PKD1: variants seen among roughly 807,000 people sequenced by gnomAD.
PKD1 encodes the protein polycystin 1, transient receptor potential channel interacting.
A neutral mutation model predicts 361.7 loss-of-function variants in PKD1; 81 were observed. That is an observed-to-expected ratio of 0.22 (90% CI 0.19 to 0.27). The LOEUF is 0.27. Ranked by LOEUF, PKD1 falls within the 10% of genes least tolerant of loss-of-function variation. The probability of loss-of-function intolerance (pLI) is 1.00; values close to 1 mark genes in which losing one functional copy is unlikely to be tolerated. For missense variants in PKD1, 6,399 were observed against 6,118.3 expected (o/e 1.05, Z -1.53); for synonymous variants, 3,615 against 2,818.3 (o/e 1.28, Z -8.95).
Position 2,106,236 on chromosome 16 carries a change from C to T in PKD1, c.7558G>A (p.Gly2520Ser). Residue 2520 changes from glycine (G) to serine (S), a missense_variant, in exon 19 of 46, where the codon GGC becomes AGC. Transcript: ENST00000262304. The surrounding 1 kb of genome is among the most constrained non-coding windows in gnomAD (Gnocchi z 6.5). Reference protein sequence around the residue: ...YALLLRRCRQGHCEEFCVYKG... With the variant: ...YALLLRRCRQSHCEEFCVYKG... Reference sequence around the variant, plus strand: ...TAGACACAGAACTCCTCGCAGTGGCCCTGGCGACAGCGCCGCAGCAGCAGG... The same window carrying T: ...TAGACACAGAACTCCTCGCAGTGGCTCTGGCGACAGCGCCGCAGCAGCAGG... 1 of 1,610,238 alleles carries T rather than the reference C, an allele frequency of 6.2e-7. No individual in the cohort carries two copies. Among genetic ancestry groups the T allele is most frequent in the South Asian group, 1.1e-5 (1 of 90,988 alleles).
Position 2,114,248 on chromosome 16 carries a change from C to G in PKD1, c.2775G>C (p.Arg925=), listed in dbSNP as rs766149471. ...NSASRANLSL[R]VTAEEPICGL... Reference sequence around the variant, plus strand: ...CACAGATGGGCTCCTCCGCCGTCACCCGCAGGCTGAGGTTGGCCCGGCTGG... The same window carrying G: ...CACAGATGGGCTCCTCCGCCGTCACGCGCAGGCTGAGGTTGGCCCGGCTGG... Residue 925 remains arginine (R), a synonymous_variant, in exon 11 of 46, where the codon CGG becomes CGC. Transcript: ENST00000262304. 23 of 1,610,184 alleles carry G rather than the reference C, an allele frequency of 1.4e-5. No homozygotes were observed. The South Asian group carries it at 2.5e-4, about 18-fold the overall frequency.
intron 30 of PKD1, 41 bp downstream of exon 30, chr16:2,099,603 G>C: frequency 6.4e-7 from 1 of 1,554,186 alleles, no homozygotes. Context: ...CGAGGCCCAG[G>C]CTCCATTCCC....
chr16:2,090,635 C>CTGAGCTA, intron 44 of PKD1, 39 bp downstream of exon 44: 1 of 1,610,006 alleles, frequency 6.2e-7, no homozygotes, highest in Non-Finnish European at 8.5e-7. Flanking sequence ...CTGAGCTGAG[C>CTGAGCTA]TGAGCTAAGA....
chr16:2,130,157 C>A (rs932035788), intron 1 of PKD1, among the ~76,000 whole-genome samples: 32 of 152,260 alleles, frequency 2.1e-4, no homozygotes, highest in Non-Finnish European at 3.7e-4. Flanking sequence ...CACGCAGGCA[C>A]GTTCTGAACG....
intron 6 of PKD1, 93 bp from the exon 7 acceptor site, chr16:2,117,146 C>A: frequency 1.4e-6 from 1 of 708,482 alleles, no homozygotes; most frequent in African/African-American, 1.8e-5. Flanking sequence ...CACTGTCCCC[C>A]TTTCCAGATG....
intron 21 of PKD1, 62 bp downstream of exon 21, chr16:2,105,260 G>A: frequency 6.4e-7 from 1 of 1,563,210 alleles, no homozygotes; most frequent in Non-Finnish European, 8.6e-7. Context: ...TCTGCCCTGG[G>A]GGGCTGAACC....
chr16:2,123,718 G>T (rs1287868797), intron 1 of PKD1, among the ~76,000 whole-genome samples: 2 of 152,142 alleles, frequency 1.3e-5, no homozygotes. Context: ...CTAAGCCCAG[G>T]CAAGAGCACA....
intron 38 of PKD1, 172 bp from the exon 39 acceptor site, chr16:2,092,764 G>A (rs2515726): frequency 2.4e-6 from 2 of 836,346 alleles, no homozygotes; most frequent in South Asian, 1.4e-5. Flanking sequence ...TGTCTGTCAT[G>A]GGCCCGTCCT....
chr16:2,105,158 G>A (rs1415162888), intron 21 of PKD1, among the ~76,000 whole-genome samples, 164 bp downstream of exon 21: 6 of 150,152 alleles, frequency 4.0e-5, no homozygotes, highest in South Asian at 2.1e-4. Context: ...AGGACAGAAC[G>A]GCTGAGGCTA....
intron 1 of PKD1, among the ~76,000 whole-genome samples, chr16:2,123,284 T>C (rs932505183): frequency 3.3e-5 from 5 of 151,646 alleles, no homozygotes; most frequent in African/African-American, 1.2e-4. Context: ...CCCAGGGCAG[T>C]GGAATGAAGC....
Position 2,105,979 on chromosome 16 carries a change from C to T in PKD1, c.7749G>A (p.Gly2583=), listed in dbSNP as rs780677280. 11 of 1,602,168 alleles carry T rather than the reference C, an allele frequency of 6.9e-6. No individual in the cohort carries two copies. Among genetic ancestry groups the T allele is most frequent in the Non-Finnish European group, 9.3e-6 (11 of 1,179,662 alleles). The change falls in exon 20 of 46, where the codon GGG becomes GGA. Residue 2583 remains glycine (G), a synonymous_variant. Transcript: ENST00000262304. ...TGAGCCCGTGCAGCCAGACTGTGAG[C>T]CCCGTTGCGCTGCCGTTGGGCTCTG... is the stretch of plus-strand genomic sequence containing the variant. ...TLPEPNGSAT[G]LTVWLHGLTA...
rs9935526 is a variant in PKD1, at chr16:2,109,995, G to A, written c.5172C>T (p.Ala1724=). ...FVEPVGWLMV[A]ASPNPAAVNT... ...TGACGGCAGCTGGGTTCGGGGAGGCGGCCACCATCAGCCACCCCACAGGCT... is the reference window on the plus strand; with the variant it reads ...TGACGGCAGCTGGGTTCGGGGAGGCAGCCACCATCAGCCACCCCACAGGCT... Residue 1724 remains alanine (A), a synonymous_variant, in exon 15 of 46, where the codon GCC becomes GCT. Coordinates refer to ENST00000262304, the MANE Select transcript of PKD1 (RefSeq NM_001009944.3). 278,224 of 1,609,216 alleles carry A rather than the reference G, an allele frequency of 0.17. 29,040 individuals are homozygous for A. Among genetic ancestry groups the A allele is most frequent in the African/African-American group, 0.48 (35,723 of 74,890 alleles).
chr16:2,125,318 G>C (rs1383982714), intron 1 of PKD1, among the ~76,000 whole-genome samples: 1 of 152,178 alleles, frequency 6.6e-6, no homozygotes, highest in Admixed American at 6.5e-5. Context: ...CGAGGGGTGG[G>C]GGTGGCAGCC....
Position 2,106,603 on chromosome 16 carries a change from G to A in PKD1, c.7284C>T (p.Gly2428=), listed in dbSNP as rs1177672366. Residue 2428 remains glycine, a synonymous_variant, in exon 18 of 46, where the codon GGC becomes GGT. Transcript: ENST00000262304. The surrounding 1 kb of genome is among the most constrained non-coding windows in gnomAD (Gnocchi z 6.5). ...CGCCCCGCCGCAGCACCAGTCGCAT[G>A]CCTGCACTGCCCGTGGATGTGGTGG... is the stretch of plus-strand genomic sequence containing the variant. The part of the protein sequence containing the change: ...DETTTSTGSA[G]MRLVLRRGVL... The A allele has an allele frequency of 1.2e-5, 19 of 1,598,320 alleles. No individual in the cohort carries two copies. Among genetic ancestry groups the A allele is most frequent in the East Asian group, 2.2e-5 (1 of 44,834 alleles).
intron 16 of PKD1, 51 bp downstream of exon 16, chr16:2,107,832 A>AG: frequency 6.6e-7 from 1 of 1,518,536 alleles, no homozygotes; most frequent in Admixed American, 2.0e-5. Context: ...GTAGATGACC[A>AG]GGGAGGCTGG....
chr16:2,093,156 G>C, intron 37 of PKD1, 63 bp from the exon 38 acceptor site: 1 of 1,591,828 alleles, frequency 6.3e-7, no homozygotes, highest in Non-Finnish European at 8.6e-7. Context: ...CAGGGCTTTG[G>C]CAACGGCTGG....
chr16:2,101,704 G>A (rs1013102897), intron 26 of PKD1, among the ~76,000 whole-genome samples: 1 of 152,278 alleles, frequency 6.6e-6, no homozygotes, highest in Non-Finnish European at 1.5e-5. Context: ...AAACAGCCAC[G>A]GGGAGGGTGC....
chr16:2,110,436 A>G lies in PKD1; in HGVS notation c.4731T>C (p.Asp1577=). ...SFSTSLEAGS[D]VRYSWVLCDR... is the part of the protein sequence containing the mutation. ...CACAGAGCACCCAGGAATAGCGCAC[A>G]TCACTGCCGGCCTCCAGCGACGTGC... is the stretch of plus-strand genomic sequence containing the variant. The change falls in exon 15 of 46, where the codon GAT becomes GAC. Residue 1577 remains aspartate (D), a synonymous_variant. Coordinates refer to ENST00000262304, the MANE Select transcript of PKD1 (RefSeq NM_001009944.3). The G allele has an allele frequency of 6.2e-7, 1 of 1,612,566 alleles. No individual in the cohort carries two copies. Among genetic ancestry groups the G allele is most frequent in the Non-Finnish European group, 8.5e-7 (1 of 1,179,850 alleles).
intron 23 of PKD1, 50 bp from the exon 24 acceptor site, chr16:2,103,020 G>T: frequency 1.3e-6 from 2 of 1,586,440 alleles, no homozygotes; most frequent in Non-Finnish European, 8.6e-7. Flanking sequence ...TCAACCACCC[G>T]GGGGACACCC....
Sources: gnomAD v4.1 joint callset for allele counts (sites outside exome capture counted in the v4.1 genomes callset) on GRCh38, gnomAD v4.1.1 for gene constraint, Gnocchi (gnomAD v3.1) non-coding constraint, MANE v1.5 for transcripts, NCBI Gene and HGNC (gene_info 2026-07-23, HGNC 2026-07-21) for gene names.